The following RNF128 variants were observed in gnomAD, a reference collection of about 807,000 sequenced individuals.
RNF128 encodes the protein ring finger protein 128.
In RNF128, 13 loss-of-function variants were observed where a neutral mutation model predicts 26.2. The observed-to-expected ratio is 0.50, with a 90% CI of 0.32 to 0.79. The LOEUF (loss-of-function observed/expected upper bound fraction) is 0.79. RNF128 is among the 30% of genes least tolerant of loss of function. RNF128 has a pLI of 0.03. For synonymous variants in RNF128, 149 were observed against 142.5 expected, an observed-to-expected ratio of 1.05 and a Z score of -0.32; for missense variants, 315 against 349.7, an observed-to-expected ratio of 0.90 and a Z score of 0.79.
rs1271008929 is a variant in RNF128 at position 106,795,945 on chromosome X, C to T, written c.*232C>T. ...GCAAGTTTCCTCTCAGTAGTGATAA[C>T]AACATTTTTAGACATTCAAAACTGT... On this transcript the variant is annotated 3_prime_UTR_variant, in exon 7 of 7. Transcript: ENST00000255499. 1 of 218,395 alleles carries T rather than the reference C, an allele frequency of 4.6e-6. No individual in the cohort carries two copies. The highest frequency in any genetic ancestry group is 2.9e-5 in the African/African-American group (1 of 34,459). The allele number at this position is 218,395 out of a possible 1,213,427, so 18.0% of individuals were successfully genotyped here.
At chrX:106,724,492 C>T (rs995972015), upstream of RNF128, among the ~76,000 whole-genome samples, 2 of 111,825 alleles carry the variant, frequency 1.8e-5, no homozygotes, top group African/African-American at 6.5e-5. Context: ...ACCCAAAGGA[C>T]TCTCAAGAAC....
At chrX:106,759,341 A>G (rs750808283) in intron 1 of RNF128, among the ~76,000 whole-genome samples, 5 of 111,917 alleles carry the variant, frequency 4.5e-5, no homozygotes, top group Non-Finnish European at 3.8e-5. Flanking sequence ...GTTGGAATGT[A>G]AATTACTACA....
At position 106,760,755 on chromosome X, in the gene RNF128, G is replaced by T. The variant is rs762113077; in HGVS notation, c.485-12158G>T. ...GGAATCAAGCTAAGTATCCATCAAT[G>T]GATGAATGGATATAGAAAAAGTCAC... is the stretch of plus-strand genomic sequence containing the variant. On this transcript the variant is annotated intron_variant, in intron 1 of 6. Coordinates refer to ENST00000255499, the MANE Select transcript of RNF128 (RefSeq NM_194463.2). Among the ~76,000 whole-genome samples, 9 of 111,290 alleles carry T rather than the reference G, an allele frequency of 8.1e-5. No individual in the cohort carries two copies. In the South Asian group the frequency reaches 3.0e-3, roughly 37 times the overall value.
intron 1 of RNF128, among the ~76,000 whole-genome samples, chrX:106,716,874 C>T (rs1929224898): frequency 1.8e-5 from 2 of 110,738 alleles, no homozygotes. Context: ...GTCAGATTGA[C>T]TTAGATTGTT....
intron 1 of RNF128, among the ~76,000 whole-genome samples, chrX:106,705,798 A>G (rs760881947): frequency 2.7e-5 from 3 of 112,068 alleles, no homozygotes; most frequent in Non-Finnish European, 5.6e-5. Flanking sequence ...TACCATTTCA[A>G]CCATACACAC....
chrX:106,728,555 G>A (rs911800185), intron 1 of RNF128, among the ~76,000 whole-genome samples: 11 of 112,071 alleles, frequency 9.8e-5, no homozygotes, highest in Non-Finnish European at 1.3e-4. Context: ...GGGAGTCACT[G>A]GAAGGAAGAA....
upstream of RNF128, chrX:106,726,635 C>A (rs894760389): frequency 3.0e-5 from 28 of 948,274 alleles, no homozygotes; most frequent in African/African-American, 2.7e-4. Flanking sequence ...TCCCTCCCAG[C>A]CACCTCTACC....
intron 4 of RNF128, among the ~76,000 whole-genome samples, chrX:106,789,751 A>G (rs1930787358): frequency 9.2e-6 from 1 of 108,634 alleles, no homozygotes; most frequent in African/African-American, 3.3e-5. Flanking sequence ...TCTTTTAGCT[A>G]TTTAATACAA....
chrX:106,743,819 C>T (rs1305244967), intron 1 of RNF128, among the ~76,000 whole-genome samples: 1 of 111,351 alleles, frequency 9.0e-6, no homozygotes, highest in African/African-American at 3.3e-5. Context: ...TTTATTGCAG[C>T]ACTATTCACA....
At chrX:106,739,414 C>T (rs1352691244) in intron 1 of RNF128, among the ~76,000 whole-genome samples, 2 of 111,458 alleles carry the variant, frequency 1.8e-5, no homozygotes, top group African/African-American at 6.5e-5. Context: ...CCACCATGGC[C>T]TCCCAAAGTG....
rs187142501 is a variant in RNF128 at position 106,768,721 on chromosome X, T to G, written c.485-4192T>G. On this transcript the variant is annotated intron_variant, in intron 1 of 6. Transcript: ENST00000255499. ...TTTTTGTGTCTCTATCTCCTTCTCT[T>G]CTGCTCTGATCTTAGTTATTTCTTG... Among the ~76,000 whole-genome samples the G allele has an allele frequency of 6.3e-3, 703 of 111,755 alleles. 6 individuals are homozygous for G. The highest frequency in any genetic ancestry group is 0.022 in the African/African-American group (683 of 30,727).
chrX:106,756,440 A>G (rs1356661266), intron 1 of RNF128, among the ~76,000 whole-genome samples: 1 of 109,802 alleles, frequency 9.1e-6, no homozygotes, highest in East Asian at 2.8e-4. Context: ...CTGCATACCT[A>G]CAACTATCTG....
chrX:106,783,310 A>C (rs1930596108), intron 2 of RNF128, among the ~76,000 whole-genome samples: 1 of 111,627 alleles, frequency 9.0e-6, no homozygotes, highest in Non-Finnish European at 1.9e-5. Context: ...TCCAAAATAT[A>C]TTTGCTACAA....
intron 1 of RNF128, among the ~76,000 whole-genome samples, chrX:106,720,178 C>A (rs907525264): frequency 1.8e-5 from 2 of 109,490 alleles, no homozygotes; most frequent in African/African-American, 6.7e-5. Flanking sequence ...ACCTCCCTTG[C>A]TCAACTTACC....
intron 2 of RNF128, 38 bp downstream of exon 2, chrX:106,773,198 T>C (rs773943071): frequency 6.9e-6 from 8 of 1,163,678 alleles, no homozygotes; most frequent in Non-Finnish European, 9.2e-6. Flanking sequence ...TAAAAAAAAT[T>C]TACTGTTCTA....
rs1456428530 is a variant in RNF128, at chrX:106,755,976, C to T, written c.485-16937C>T. 2.7e-5 allele frequency among the ~76,000 whole-genome samples: 3 copies of T among 110,633 alleles called. No homozygotes were observed. In the East Asian group the frequency reaches 8.5e-4, roughly 31 times the overall value. ...CAGAGAGCCAAATCATGAGTGAACT[C>T]CCATTCACAATTGCTTCAAAGAGAA... On this transcript the variant is annotated intron_variant, in intron 1 of 6. Transcript: ENST00000255499.
chrX:106,748,802 A>G (rs1213112835), intron 1 of RNF128, among the ~76,000 whole-genome samples: 3 of 111,578 alleles, frequency 2.7e-5, no homozygotes, highest in Non-Finnish European at 5.7e-5. Flanking sequence ...AAGGGGCACA[A>G]AAATACAGTT....
chrX:106,790,317 A>G (rs1198957921), intron 5 of RNF128, 35 bp downstream of exon 5: 1 of 954,596 alleles, frequency 1.0e-6, no homozygotes, highest in Non-Finnish European at 1.5e-6. Context: ...TGAAGAATAT[A>G]TGCCTGGGCT....
chrX:106,717,907 T>C (rs765168261), intron 1 of RNF128, among the ~76,000 whole-genome samples: 1 of 112,167 alleles, frequency 8.9e-6, no homozygotes, highest in South Asian at 3.7e-4. Flanking sequence ...GGTAAGATTC[T>C]GTTGCAAACT....
Sources: gnomAD v4.1 joint callset for allele counts (sites outside exome capture counted in the v4.1 genomes callset) on GRCh38, gnomAD v4.1.1 for gene constraint, MANE v1.5 for transcripts, NCBI Gene and HGNC (gene_info 2026-07-23, HGNC 2026-07-21) for gene names.